Variants in GPR143 observed in about 807,000 individuals in gnomAD.
GPR143 encodes G-protein coupled receptor 143.
A neutral mutation model predicts 27.6 loss-of-function variants in GPR143; 8 were observed. That is an observed-to-expected ratio of 0.29 (90% CI 0.17 to 0.52). The LOEUF is 0.52. Among genes scored for constraint, GPR143 ranks in the 20% least tolerant of loss-of-function variants. The probability of loss-of-function intolerance (pLI) is 0.96; values close to 1 mark genes in which losing one functional copy is unlikely to be tolerated. For synonymous variants in GPR143, 156 were observed against 153.2 expected (o/e 1.02, Z -0.13); for missense variants, 303 against 343.1 (o/e 0.88, Z 0.92).
At chrX:9,750,590 G>A (rs767086613) in intron 3 of GPR143, among the ~76,000 whole-genome samples, 7 of 110,095 alleles carry the variant, frequency 6.4e-5, no homozygotes, top group African/African-American at 2.3e-4. Context: ...TCAAGATGGA[G>A]ACTTGCTCTG....
At position 9,750,570 on chromosome X, in the gene GPR143, A is replaced by AT. The variant is rs1206213149; in HGVS notation, c.456-1905dup. On this transcript the variant is annotated intron_variant, in intron 3 of 8. Transcript: ENST00000467482. ...GAGTGGAGTTGCTGGGTCAGATGGC[A>AT]TTTTTTTTTTCAAGATGGAGACTTG... is the stretch of plus-strand genomic sequence containing the variant. Among the ~76,000 whole-genome samples the AT allele has an allele frequency of 3.6e-4, 36 of 99,578 alleles. No individual in the cohort carries two copies. The South Asian group carries it at 4.5e-3, about 12-fold the overall frequency. 86.5% of individuals were successfully genotyped at this position (99,578 alleles called of 115,157 possible).
rs190815088 is a variant in GPR143 at position 9,728,688 on chromosome X, C to T, written c.1121-2848G>A. 9.4e-5 allele frequency among the ~76,000 whole-genome samples: 9 copies of T among 95,275 alleles called. No homozygotes were observed. The Admixed American group carries it at 1.0e-3, about 11-fold the overall frequency. 82.7% of individuals were successfully genotyped at this position (95,275 alleles called of 115,157 possible). A position where few individuals can be genotyped will look rare whatever the true frequency, so the allele number is the denominator to read the frequency against. ...AAAAAAAAGGCATGATTGCGTGTGCCTGTGGTTCCAGCTACTTGGGAGGCT... is the reference window on the plus strand; with the variant it reads ...AAAAAAAAGGCATGATTGCGTGTGCTTGTGGTTCCAGCTACTTGGGAGGCT... On this transcript the variant is annotated intron_variant, in intron 8 of 8. Coordinates refer to ENST00000467482, the MANE Select transcript of GPR143 (RefSeq NM_000273.3).
chrX:9,765,638 G>T lies in GPR143; in HGVS notation c.180C>A (p.Pro60=). The change falls in exon 1 of 9, where the codon CCC becomes CCA. Residue 60 remains proline, a synonymous_variant. Coordinates refer to ENST00000467482, the MANE Select transcript of GPR143 (RefSeq NM_000273.3). ...PGRRPAGPGS[P]ATSPPASVRI... ...GGACCGAGGCCGGCGGGGACGTCGC[G>T]GGGGACCCGGGGCCCGCGGGCCGGC... 1 of 982,886 alleles carries T rather than the reference G, an allele frequency of 1.0e-6. No homozygotes were observed. Among genetic ancestry groups the T allele is most frequent in the Non-Finnish European group, 1.3e-6 (1 of 785,731 alleles). The allele number at this position is 982,886 out of a possible 1,213,427, so 81.0% of individuals were successfully genotyped here.
intron 3 of GPR143, among the ~76,000 whole-genome samples, chrX:9,758,518 C>T (rs966446998): frequency 1.8e-5 from 2 of 111,993 alleles, no homozygotes; most frequent in Admixed American, 9.5e-5. Flanking sequence ...CAAGCAGCCA[C>T]CTCCAGCCCC....
intron 3 of GPR143, among the ~76,000 whole-genome samples, chrX:9,752,176 C>T (rs2083454018): frequency 8.9e-6 from 1 of 112,477 alleles, no homozygotes; most frequent in South Asian, 3.7e-4. Flanking sequence ...TCAAGCCTGC[C>T]TCAGGCTCCC....
intron 3 of GPR143, among the ~76,000 whole-genome samples, chrX:9,749,226 T>TA (rs1423622263): frequency 4.1e-5 from 3 of 73,108 alleles, no homozygotes; most frequent in Admixed American, 1.5e-4. Flanking sequence ...GGGATTTCCC[T>TA]CCCCCCCCAA....
Position 9,744,654 on chromosome X carries a change from G to A in GPR143, c.659-981C>T, listed in dbSNP as rs552117540. On this transcript the variant is annotated intron_variant, in intron 5 of 8. Transcript: ENST00000467482. ...TGGGAGGCGGAGGTTTCAGTGAGCC[G>A]AGATCACGTCAATTCACTCCAGCCT... Among the ~76,000 whole-genome samples, 14 of 111,749 alleles carry A rather than the reference G, an allele frequency of 1.3e-4. No individual in the cohort carries two copies. The South Asian group carries it at 1.9e-3, about 15-fold the overall frequency.
At chrX:9,729,178 C>G (rs112340583) in intron 8 of GPR143, among the ~76,000 whole-genome samples, 1,390 of 111,416 alleles carry the variant, frequency 0.012, 33 homozygotes, top group African/African-American at 0.043. Context: ...TCTAAAGGAG[C>G]CTTCCAGTTC....
intron 1 of GPR143, among the ~76,000 whole-genome samples, chrX:9,762,181 G>A (rs1351272822): frequency 9.0e-6 from 1 of 111,385 alleles, no homozygotes; most frequent in Admixed American, 9.6e-5. Context: ...CCTGAGGTCA[G>A]GAGTTTAAGA....
intron 1 of GPR143, among the ~76,000 whole-genome samples, chrX:9,765,170 A>T (rs2083524040): frequency 8.9e-6 from 1 of 112,251 alleles, no homozygotes; most frequent in Non-Finnish European, 1.9e-5. Flanking sequence ...TCAAGTTCCA[A>T]CCCGAGTGGA....
At chrX:9,743,484 G>T in intron 6 of GPR143, 81 bp downstream of exon 6, 1 of 586,546 alleles carries the variant, frequency 1.7e-6, no homozygotes, top group East Asian at 3.3e-5. Flanking sequence ...GGAACTTCTG[G>T]TCACGCATGC....
intron 5 of GPR143, among the ~76,000 whole-genome samples, chrX:9,744,073 C>T (rs190809179): frequency 8.9e-6 from 1 of 112,262 alleles, no homozygotes; most frequent in East Asian, 2.8e-4. Context: ...TGCAGTGGCT[C>T]ACACCTGTAA....
intron 3 of GPR143, among the ~76,000 whole-genome samples, chrX:9,755,837 T>A (rs1358354768): frequency 8.9e-6 from 1 of 112,055 alleles, no homozygotes; most frequent in Non-Finnish European, 1.9e-5. Flanking sequence ...TCATTATTAT[T>A]ATATATATTT....
chrX:9,766,610 A>G (rs893854390), upstream of GPR143, among the ~76,000 whole-genome samples: 1 of 111,814 alleles, frequency 8.9e-6, no homozygotes, highest in African/African-American at 3.3e-5. Flanking sequence ...CCTGTGATCC[A>G]AGCTACTCGG....
At chrX:9,738,525 G>C (rs1690796091) in intron 8 of GPR143, 1 of 746,859 alleles carries the variant, frequency 1.3e-6, no homozygotes, top group South Asian at 6.8e-5. Flanking sequence ...CGGTATCATG[G>C]AATCAATTCA....
At chrX:9,734,340 G>A (rs1217279083) in intron 8 of GPR143, among the ~76,000 whole-genome samples, 2 of 110,918 alleles carry the variant, frequency 1.8e-5, no homozygotes, top group Non-Finnish European at 3.8e-5. Context: ...GGAGATACAC[G>A]GAATTGTGGG....
chrX:9,736,489 T>G (rs1490665177), intron 8 of GPR143, among the ~76,000 whole-genome samples: 1 of 111,186 alleles, frequency 9.0e-6, no homozygotes, highest in Non-Finnish European at 1.9e-5. Flanking sequence ...GGGGTCTCAC[T>G]ATGTTGCCCA....
At chrX:9,732,270 G>A (rs1225587217) in intron 8 of GPR143, among the ~76,000 whole-genome samples, 1 of 111,581 alleles carries the variant, frequency 9.0e-6, no homozygotes, top group South Asian at 3.7e-4. Flanking sequence ...GCAGGGAATT[G>A]TGTGAAGGAC....
chrX:9,758,974 T>C lies in GPR143; in HGVS notation c.455+358A>G, dbSNP rs966182416. Among the ~76,000 whole-genome samples, 4 of 112,435 alleles carry C rather than the reference T, an allele frequency of 3.6e-5. No homozygotes were observed. In the Admixed American group the frequency reaches 3.8e-4, roughly 11 times the overall value. The stretch of plus-strand genomic sequence containing the variant: ...GTCCAGTTCCAAATATTTCATTTAT[T>C]GAATTACTTGCTTTCAAGGTTTTTA... On this transcript the variant is annotated intron_variant, in intron 3 of 8. Transcript: ENST00000467482.
Sources: gnomAD v4.1 joint callset for allele counts (sites outside exome capture counted in the v4.1 genomes callset) on GRCh38, gnomAD v4.1.1 for gene constraint, MANE v1.5 for transcripts, NCBI Gene and HGNC (gene_info 2026-07-23, HGNC 2026-07-21) for gene names.